The following DLGAP5 variants were observed in gnomAD, a reference collection of about 807,000 sequenced individuals.
The protein encoded by DLGAP5 is disks large-associated protein 5.
In DLGAP5, 90 loss-of-function variants were observed where a neutral mutation model predicts 99.6. The ratio of observed to expected loss-of-function variants is 0.90; its 90% CI spans 0.76 to 1.08. DLGAP5 has a LOEUF of 1.08. Among genes scored for constraint, DLGAP5 ranks in the 50% least tolerant of loss-of-function variants. The pLI is 0.00. For missense variants in DLGAP5, 1,036 were observed against 983.5 expected (o/e 1.05, Z -0.71); for synonymous variants, 311 against 321.3 (o/e 0.97, Z 0.34).
intron 17 of DLGAP5, 41 bp from the exon 18 acceptor site, chr14:55,150,889 A>C: frequency 7.5e-7 from 1 of 1,337,306 alleles, no homozygotes; most frequent in Non-Finnish European, 1.0e-6. Flanking sequence ...GAATATTCTC[A>C]CATTCGAGGG....
At chr14:55,169,699 C>G (rs1168363316) in intron 11 of DLGAP5, 140 bp from the exon 12 acceptor site, 1 of 635,786 alleles carries the variant, frequency 1.6e-6, no homozygotes, top group Non-Finnish European at 2.6e-6. Flanking sequence ...TACCACAAAA[C>G]TTTGTCATAC....
intron 14 of DLGAP5, among the ~76,000 whole-genome samples, chr14:55,155,611 G>A (rs915441323): frequency 1.3e-5 from 2 of 151,998 alleles, no homozygotes; most frequent in African/African-American, 4.8e-5. Context: ...GCCTCCCAAA[G>A]TACTGGGATT....
chr14:55,180,075 T>G (rs1316105466), intron 6 of DLGAP5, among the ~76,000 whole-genome samples: 1 of 152,150 alleles, frequency 6.6e-6, no homozygotes, highest in Non-Finnish European at 1.5e-5. Flanking sequence ...GGATGACCTT[T>G]GAACTTCATG....
At chr14:55,176,976 G>GA (rs34109336) in intron 8 of DLGAP5, 86 bp downstream of exon 8, 21,976 of 252,676 alleles carry the variant, frequency 0.087, 1,653 homozygotes, top group African/African-American at 0.2. Flanking sequence ...AACTCCGTCT[G>GA]AAAAAAAAAA....
At chr14:55,164,852 G>A (rs1378652912) in intron 12 of DLGAP5, among the ~76,000 whole-genome samples, 1 of 149,904 alleles carries the variant, frequency 6.7e-6, no homozygotes, top group African/African-American at 2.5e-5. Flanking sequence ...AACCCGGAAG[G>A]CAGAGGCTGC....
At chr14:55,152,773 A>AG in intron 15 of DLGAP5, 126 bp from the exon 16 acceptor site, 2 of 720,238 alleles carry the variant, frequency 2.8e-6, no homozygotes, top group Non-Finnish European at 4.2e-6. Context: ...GCCTGGTGCA[A>AG]GATCAGGCGT....
chr14:55,191,289 A>T (rs760219170), intron 1 of DLGAP5, 174 bp downstream of exon 1: 3 of 152,474 alleles, frequency 2.0e-5, no homozygotes, highest in Admixed American at 6.6e-5. Flanking sequence ...CAGGGCAAAC[A>T]TATGGACTCT....
intron 2 of DLGAP5, among the ~76,000 whole-genome samples, chr14:55,185,111 C>A (rs1883389686): frequency 6.6e-6 from 1 of 152,180 alleles, no homozygotes; most frequent in African/African-American, 2.4e-5. Context: ...TTTCTCCCAA[C>A]CTACATCCTC....
chr14:55,151,839 T>TTTTGTTAGTATTAA lies in DLGAP5; in HGVS notation c.2210_2223dup (p.Lys742LeufsTer18). 1 of 1,614,038 alleles carries TTTTGTTAGTATTAA rather than the reference T, an allele frequency of 6.2e-7. No homozygotes were observed. The highest frequency in any genetic ancestry group is 2.2e-5 in the East Asian group (1 of 44,830). ...TCCACAACATCTGAAATTCCTTCTT[T>TTTTGTTAGTATTAA]TTTGTTAGTATTAATATCATCTGCT... On this transcript the variant is annotated frameshift_variant, in exon 17 of 19. Transcript: ENST00000247191. LOFTEE classifies it high-confidence loss of function.
chr14:55,170,950 T>A (rs558227805), intron 10 of DLGAP5, among the ~76,000 whole-genome samples, 163 bp from the exon 11 acceptor site: 1 of 152,210 alleles, frequency 6.6e-6, no homozygotes, highest in Admixed American at 6.5e-5. Flanking sequence ...TATATTAAAA[T>A]CCATAAATAC....
chr14:55,159,869 A>G (rs1882355681), intron 13 of DLGAP5, among the ~76,000 whole-genome samples: 1 of 152,214 alleles, frequency 6.6e-6, no homozygotes, highest in African/African-American at 2.4e-5. Flanking sequence ...TGCAAATATG[A>G]CTGAAGAATA....
chr14:55,151,686 A>G lies in DLGAP5; in HGVS notation c.2368+9T>C, dbSNP rs778981135. On this transcript the variant is annotated intron_variant, in intron 17 of 18. Transcript: ENST00000247191. ...AAAGGCTCGTTTAAATATATTTTAA[A>G]TATCTCACCTGACTGAGAAATTTTA... is the stretch of plus-strand genomic sequence containing the variant. 24 of 1,606,232 alleles carry G rather than the reference A, an allele frequency of 1.5e-5. No homozygotes were observed. Among genetic ancestry groups the G allele is most frequent in the Non-Finnish European group, 1.9e-5 (22 of 1,177,584 alleles).
intron 10 of DLGAP5, among the ~76,000 whole-genome samples, chr14:55,171,505 T>A (rs1882858328): frequency 6.6e-6 from 1 of 152,182 alleles, no homozygotes; most frequent in South Asian, 2.1e-4. Context: ...ACTGGAACCC[T>A]TGTATGCTGT....
Position 55,182,452 on chromosome 14 carries a change from GATGAACTTAAAAT to G in DLGAP5, c.433-33_433-21del, listed in dbSNP as rs568749058. 944 of 1,590,072 alleles carry G rather than the reference GATGAACTTAAAAT, an allele frequency of 5.9e-4. 16 individuals carry two copies. The South Asian group carries it at 0.01, about 17-fold the overall frequency. On this transcript the variant is annotated intron_variant, in intron 3 of 18. Transcript: ENST00000247191. ...AATAGCCTTAGAACAGTCAAAAGAAGATGAACTTAAAATATGAACTGGTAAAGGTTTACTTCCA... is the reference window on the plus strand; with the variant it reads ...AATAGCCTTAGAACAGTCAAAAGAAGATGAACTGGTAAAGGTTTACTTCCA...
intron 1 of DLGAP5, 147 bp from the exon 2 acceptor site, chr14:55,189,327 T>C (rs113846240): frequency 8.7e-6 from 6 of 686,900 alleles, no homozygotes; most frequent in African/African-American, 5.5e-5. Flanking sequence ...CACTGAAAAG[T>C]GAGAAGAAGA....
At chr14:55,167,833 G>A (rs1261107931) in intron 12 of DLGAP5, among the ~76,000 whole-genome samples, 1 of 152,136 alleles carries the variant, frequency 6.6e-6, no homozygotes, top group African/African-American at 2.4e-5. Context: ...TCTAACCATT[G>A]ATGCTTTGTA....
chr14:55,152,537 G>T (rs1882054070), intron 16 of DLGAP5, 53 bp downstream of exon 16: 2 of 1,380,058 alleles, frequency 1.4e-6, no homozygotes, highest in African/African-American at 2.9e-5. Context: ...TTTCTATAAT[G>T]ATATAAACAT....
chr14:55,152,582 G>T lies in DLGAP5; in HGVS notation c.2121+8C>A. ...TGGGCTATCTAACCACACTGGAATT[G>T]TACTTACATGATTTTCTTCAATTAA... On this transcript the variant is annotated splice_region_variant and intron_variant, in intron 16 of 18. Transcript: ENST00000247191. 1.9e-6 allele frequency: 3 copies of T among 1,597,914 alleles called. No homozygotes were observed. The highest frequency in any genetic ancestry group is 1.1e-5 in the South Asian group (1 of 87,574).
At chr14:55,190,696 C>G (rs894919318) in intron 1 of DLGAP5, among the ~76,000 whole-genome samples, 5 of 152,112 alleles carry the variant, frequency 3.3e-5, no homozygotes, top group Non-Finnish European at 5.9e-5. Flanking sequence ...TCTAAGCAAT[C>G]AACAAAATAT....
Sources: allele counts gnomAD v4.1 joint callset (sites outside exome capture counted in the v4.1 genomes callset), GRCh38; gene constraint gnomAD v4.1.1; transcripts MANE v1.5; gene names NCBI Gene and HGNC (gene_info 2026-07-23, HGNC 2026-07-21).